Variants in RADIL observed in about 807,000 individuals in gnomAD.
The protein encoded by RADIL is Rap associating with DIL domain, also known as ras-associating and dilute domain-containing protein.
Under a neutral mutation model 97.6 loss-of-function variants are expected in RADIL, and 99 were observed. The ratio of observed to expected loss-of-function variants is 1.01; its 90% CI spans 0.86 to 1.20. The LOEUF is 1.20. Among genes scored for constraint, RADIL ranks in the 50% most tolerant of loss-of-function variants. The pLI is 0.00. For missense variants in RADIL, 1,765 were observed against 1,498.9 expected (o/e 1.18, Z -2.93); for synonymous variants, 803 against 691.8 (o/e 1.16, Z -2.52).
rs1433437994 is a variant in RADIL, at chr7:4,797,487, T to C, written c.*1891A>G. 3.3e-5 allele frequency: 5 copies of C among 152,164 alleles called. No homozygotes were observed. Among genetic ancestry groups the C allele is most frequent in the Admixed American group, 2.0e-4 (3 of 15,280 alleles). 9.4% of individuals were successfully genotyped at this position (152,164 alleles called of 1,614,324 possible). A position where few individuals can be genotyped will look rare whatever the true frequency, so the allele number is the denominator to read the frequency against. On this transcript the variant is annotated 3_prime_UTR_variant, in exon 15 of 15. Coordinates refer to ENST00000399583, the MANE Select transcript of RADIL (RefSeq NM_018059.5). ...AACTGTTGGTGGCCACCTTTGGAAA[T>C]GCCTTGCCACTGTCTTTCCTCTGGC... is the stretch of plus-strand genomic sequence containing the variant.
Position 4,818,342 on chromosome 7 carries a change from C to A in RADIL, c.1616-991G>T, listed in dbSNP as rs760569804. ...GCACCGGAGGCCGGCCCACTCATGG[C>A]CAGGACAATGGTGCGCCAAGCCCTT... On this transcript the variant is annotated intron_variant, in intron 6 of 14. Coordinates refer to ENST00000399583, the MANE Select transcript of RADIL (RefSeq NM_018059.5). The surrounding 1 kb of genome is among the most constrained non-coding windows in gnomAD (Gnocchi z 7.1). 3.9e-5 allele frequency among the ~76,000 whole-genome samples: 6 copies of A among 152,200 alleles called. No individual in the cohort carries two copies. Among genetic ancestry groups the A allele is most frequent in the Non-Finnish European group, 7.4e-5 (5 of 68,026 alleles).
chr7:4,858,194 T>A lies in RADIL; in HGVS notation c.535+19411A>T, dbSNP rs901649314. On this transcript the variant is annotated intron_variant, in intron 2 of 14. Transcript: ENST00000399583. ...ACAGCATAAAAGGACATGACTATATTCCAACTTTGGAAAATTAATGCAGGA... is the reference window on the plus strand; with the variant it reads ...ACAGCATAAAAGGACATGACTATATACCAACTTTGGAAAATTAATGCAGGA... 8 of 152,230 alleles carry A rather than the reference T, an allele frequency of 5.3e-5. 1 individual carries two copies. Among genetic ancestry groups the A allele is most frequent in the Admixed American group, 3.9e-4 (6 of 15,282 alleles). The allele number at this position is 152,230 out of a possible 1,614,324, so 9.4% of individuals were successfully genotyped here. A position where few individuals can be genotyped will look rare whatever the true frequency, so the allele number is the denominator to read the frequency against.
rs1023824175 is a variant in RADIL at position 4,821,128 on chromosome 7, G to A, written c.1615+1266C>T. On this transcript the variant is annotated intron_variant, in intron 6 of 14. Coordinates refer to ENST00000399583, the MANE Select transcript of RADIL (RefSeq NM_018059.5). This position sits in a 1 kb window ranked among gnomAD's most constrained non-coding sequence, Gnocchi z 5.2. ...TCCTGTCCCTGCACACCGGGCCTGC[G>A]CCTCCCTCGAAGCTCAGAGACGCAG... 6.6e-6 allele frequency among the ~76,000 whole-genome samples: 1 copy of A among 152,164 alleles called. No homozygotes were observed. Among genetic ancestry groups the A allele is most frequent in the African/African-American group, 2.4e-5 (1 of 41,452 alleles).
At chr7:4,848,713 G>A (rs1583305059) in intron 2 of RADIL, among the ~76,000 whole-genome samples, 1 of 152,082 alleles carries the variant, frequency 6.6e-6, no homozygotes, top group Non-Finnish European at 1.5e-5. Context: ...TGAGAAGATC[G>A]GGCAATAGGA....
At chr7:4,838,088 G>C (rs1045209472) in intron 2 of RADIL, 2 of 982,616 alleles carry the variant, frequency 2.0e-6, no homozygotes, top group Non-Finnish European at 2.4e-6. Context: ...GCGTGAGGGA[G>C]GCCGCCCAGC....
rs766532873 is a variant in RADIL, at chr7:4,799,678, C to T, written c.3074G>A (p.Arg1025His). ...GCTGCTGCCATTCACCTCCAGGATA[C>T]GGTCCCCCAGCGACAGGCGCCCGTC... ...AADGRLSLGD[R>H]ILEVNGSSLL... The change falls in exon 14 of 15, where the codon CGT (arginine) becomes CAT (histidine). Residue 1025 changes from arginine to histidine, a missense_variant. Coordinates refer to ENST00000399583, the MANE Select transcript of RADIL (RefSeq NM_018059.5). 2.5e-5 allele frequency: 39 copies of T among 1,591,696 alleles called. No individual in the cohort carries two copies. Among genetic ancestry groups the T allele is most frequent in the Middle Eastern group, 1.7e-4 (1 of 6,044 alleles).
Position 4,818,335 on chromosome 7 carries a change from C to T in RADIL, c.1616-984G>A, listed in dbSNP as rs149391076. Among the ~76,000 whole-genome samples the T allele has an allele frequency of 9.7e-3, 1,478 of 152,322 alleles. 26 individuals carry two copies. Among genetic ancestry groups the T allele is most frequent in the African/African-American group, 0.034 (1,413 of 41,576 alleles). On this transcript the variant is annotated intron_variant, in intron 6 of 14. Coordinates refer to ENST00000399583, the MANE Select transcript of RADIL (RefSeq NM_018059.5). This position sits in a 1 kb window ranked among gnomAD's most constrained non-coding sequence, Gnocchi z 7.1. ...GCAGACTGCACCGGAGGCCGGCCCACTCATGGCCAGGACAATGGTGCGCCA... is the reference window on the plus strand; with the variant it reads ...GCAGACTGCACCGGAGGCCGGCCCATTCATGGCCAGGACAATGGTGCGCCA...
rs1268125208 is a variant in RADIL, at chr7:4,835,157, G to A, written c.866C>T (p.Ser289Leu). ...TPSSKPSISL[S>L]APDILPLHCT... ...GTGTAGAGGCAGGATGTCGGGGGCT[G>A]AGAGGCTGATGCTGGGCTTGCTGGA... The change falls in exon 4 of 15, where the codon TCA becomes TTA. Residue 289 changes from serine to leucine, a missense_variant. By Grantham distance (145) the Ser-to-Leu change is moderately radical. Coordinates refer to ENST00000399583, the MANE Select transcript of RADIL (RefSeq NM_018059.5). The surrounding 1 kb of genome is among the most constrained non-coding windows in gnomAD (Gnocchi z 5.8). 1 of 1,611,384 alleles carries A rather than the reference G, an allele frequency of 6.2e-7. No individual in the cohort carries two copies.
chr7:4,800,412 G>C, intron 12 of RADIL, 102 bp from the exon 13 acceptor site: 2 of 1,243,760 alleles, frequency 1.6e-6, no homozygotes, highest in Non-Finnish European at 2.1e-6. Flanking sequence ...GTCAGGGATG[G>C]GATGGCCTCC....
At chr7:4,808,263 G>T (rs1019224265) in intron 9 of RADIL, among the ~76,000 whole-genome samples, 4 of 150,652 alleles carry the variant, frequency 2.7e-5, no homozygotes, top group African/African-American at 9.8e-5. Flanking sequence ...TCTCTGGAGG[G>T]CTTTTCTCCC....
At position 4,883,197 on chromosome 7, in the gene RADIL, G is replaced by T. The variant is rs993084314; in HGVS notation, c.-65+399C>A. 2.0e-5 allele frequency among the ~76,000 whole-genome samples: 3 copies of T among 152,026 alleles called. No individual in the cohort carries two copies. In the South Asian group the frequency reaches 6.2e-4, roughly 32 times the overall value. ...CTCCCCCGCTGCGCCCCGCTCCCCC[G>T]CTGCGCGCCCCGGACGAAGCTCCCC... On this transcript the variant is annotated intron_variant, in intron 1 of 14. Transcript: ENST00000399583. This position sits in a 1 kb window ranked among gnomAD's most constrained non-coding sequence, Gnocchi z 7.1.
Position 4,804,060 on chromosome 7 carries a change from T to C in RADIL, c.2291-306A>G, listed in dbSNP as rs1471471077. 7.2e-6 allele frequency: 3 copies of C among 418,664 alleles called. No homozygotes were observed. The East Asian group carries it at 1.5e-4, about 20-fold the overall frequency. The allele number at this position is 418,664 out of a possible 1,614,324, so 25.9% of individuals were successfully genotyped here. On this transcript the variant is annotated intron_variant, in intron 10 of 14. Coordinates refer to ENST00000399583, the MANE Select transcript of RADIL (RefSeq NM_018059.5). ...TGCACTGGGCCTGTCTCTGCCCCAC[T>C]GGTCTCTGATGGTGTCTCCGGGTAA...
intron 2 of RADIL, among the ~76,000 whole-genome samples, chr7:4,874,920 C>T (rs536632498): frequency 7.6e-4 from 115 of 151,870 alleles, no homozygotes; most frequent in Non-Finnish European, 1.3e-3. Flanking sequence ...TGGCCGGGCG[C>T]GGTGGCTCAC....
chr7:4,832,266 A>G, intron 4 of RADIL, 88 bp from the exon 5 acceptor site: 1 of 1,338,372 alleles, frequency 7.5e-7, no homozygotes, highest in South Asian at 1.2e-5. Context: ...TCGACAGGAA[A>G]ACAAGCCATG....
At chr7:4,882,772 T>C (rs1292445301) in intron 1 of RADIL, among the ~76,000 whole-genome samples, 1 of 152,222 alleles carries the variant, frequency 6.6e-6, no homozygotes, top group Admixed American at 6.5e-5. Flanking sequence ...GGAGACCGAC[T>C]TGCCCCCCAG....
intron 13 of RADIL, 86 bp downstream of exon 13, chr7:4,800,085 G>A: frequency 6.7e-7 from 1 of 1,496,078 alleles, no homozygotes; most frequent in Non-Finnish European, 8.9e-7. Flanking sequence ...TAGCCACGTG[G>A]CCACGCAAGC....
intron 5 of RADIL, among the ~76,000 whole-genome samples, chr7:4,825,284 G>A (rs1040235496): frequency 2.0e-5 from 3 of 152,182 alleles, no homozygotes; most frequent in African/African-American, 4.8e-5. Context: ...GTCAAGGCGC[G>A]GGTATCTCCT....
chr7:4,809,912 G>T (rs1023552724), intron 9 of RADIL, among the ~76,000 whole-genome samples: 1 of 152,148 alleles, frequency 6.6e-6, no homozygotes, highest in African/African-American at 2.4e-5. Context: ...GAGTGTGGTG[G>T]TGTGATCTCG....
chr7:4,881,140 G>C (rs1160023106), intron 1 of RADIL, among the ~76,000 whole-genome samples: 1 of 146,340 alleles, frequency 6.8e-6, no homozygotes, highest in Non-Finnish European at 1.5e-5. Context: ...AGATGGCTGG[G>C]CACGGTGGCT....
Sources: allele counts gnomAD v4.1 joint callset (sites outside exome capture counted in the v4.1 genomes callset), GRCh38; gene constraint gnomAD v4.1.1; non-coding constraint Gnocchi (gnomAD v3.1); transcripts MANE v1.5; gene names NCBI Gene and HGNC (gene_info 2026-07-23, HGNC 2026-07-21).